The following SNAP25 variants were observed in gnomAD, a reference collection of about 807,000 sequenced individuals.
SNAP25 encodes synaptosome associated protein 25.
SNAP25 carries 3 observed loss-of-function variants against 28.7 expected under a neutral mutation model. The observed-to-expected ratio is 0.10, with a 90% CI of 0.05 to 0.27. The LOEUF (loss-of-function observed/expected upper bound fraction) is 0.27, where lower values mean the gene tolerates loss of function less well. Ranked by LOEUF, SNAP25 falls within the 10% of genes least tolerant of loss-of-function variation. The pLI is 1.00. For synonymous variants in SNAP25, 61 were observed against 88.1 expected, an observed-to-expected ratio of 0.69 and a Z score of 1.72; for missense variants, 117 against 278.7, an observed-to-expected ratio of 0.42 and a Z score of 4.13.
intron 1 of SNAP25, among the ~76,000 whole-genome samples, chr20:10,238,840 G>A (rs1031303648): frequency 6.6e-6 from 1 of 151,948 alleles, no homozygotes; most frequent in African/African-American, 2.4e-5. Flanking sequence ...GGGAGGCAGA[G>A]GTTGCGGTGA....
intron 3 of SNAP25, chr20:10,277,941 G>A (rs1419952277): frequency 2.0e-6 from 1 of 490,804 alleles, no homozygotes; most frequent in Non-Finnish European, 3.6e-6. Flanking sequence ...AGCCACCTCT[G>A]TAGTCTGGTC....
At chr20:10,251,341 G>A (rs1473917929) in intron 1 of SNAP25, among the ~76,000 whole-genome samples, 1 of 152,184 alleles carries the variant, frequency 6.6e-6, no homozygotes, top group African/African-American at 2.4e-5. Context: ...GAAATACTGG[G>A]AAGGATACCT....
At chr20:10,288,243 A>G (rs1210842667) in intron 4 of SNAP25, among the ~76,000 whole-genome samples, 2 of 152,152 alleles carry the variant, frequency 1.3e-5, no homozygotes, top group Non-Finnish European at 2.9e-5. Context: ...TTTATTTTTT[A>G]AGTTAATAAT....
chr20:10,291,097 G>A (rs2063988223), intron 4 of SNAP25, among the ~76,000 whole-genome samples: 1 of 152,166 alleles, frequency 6.6e-6, no homozygotes, highest in South Asian at 2.1e-4. Flanking sequence ...TTTTGGGACG[G>A]AGTTTCGCTC....
chr20:10,235,238 C>T (rs1040220726), intron 1 of SNAP25, among the ~76,000 whole-genome samples: 6 of 151,978 alleles, frequency 3.9e-5, no homozygotes, highest in Non-Finnish European at 8.8e-5. Flanking sequence ...ATCTCTAAAA[C>T]ATAAAAATTA....
chr20:10,300,474 C>T (rs1055090248), intron 7 of SNAP25, among the ~76,000 whole-genome samples: 1 of 151,990 alleles, frequency 6.6e-6, no homozygotes, highest in Admixed American at 6.6e-5. Context: ...GTGTTTATTC[C>T]CTGGGAGACG....
At chr20:10,235,466 A>G (rs967666853) in intron 1 of SNAP25, among the ~76,000 whole-genome samples, 4 of 152,224 alleles carry the variant, frequency 2.6e-5, no homozygotes, top group African/African-American at 7.2e-5. Context: ...CAACTGTAAA[A>G]TGATATGAAG....
chr20:10,301,920 A>T (rs8119732), intron 7 of SNAP25, among the ~76,000 whole-genome samples: 36,259 of 147,038 alleles, frequency 0.25, 6,071 homozygotes, highest in African/African-American at 0.46. Flanking sequence ...TATATATATA[A>T]AAACCATATA....
rs2064132435 is a variant in SNAP25, at chr20:10,297,194, G to A, written c.407+144G>A. ...AAGTGTTCTTTTCTAAGCCTTTCCT[G>A]GACCTTGCCTGGGTGGGGTGATCCA... is the stretch of plus-strand genomic sequence containing the variant. On this transcript the variant is annotated intron_variant, in intron 6 of 7. Transcript: ENST00000254976. 10 of 1,144,396 alleles carry A rather than the reference G, an allele frequency of 8.7e-6. No individual in the cohort carries two copies. The East Asian group carries it at 3.0e-4, about 35-fold the overall frequency. The allele number at this position is 1,144,396 out of a possible 1,614,324, so 70.9% of individuals were successfully genotyped here.
intron 4 of SNAP25, chr20:10,292,863 A>G (rs1320145921): frequency 8.4e-6 from 13 of 1,544,322 alleles, no homozygotes; most frequent in Non-Finnish European, 1.1e-5. Flanking sequence ...CCACACTGTC[A>G]TCCCTTTGTC....
intron 1 of SNAP25, among the ~76,000 whole-genome samples, chr20:10,267,981 C>T (rs2063532977): frequency 6.6e-6 from 1 of 152,196 alleles, no homozygotes; most frequent in African/African-American, 2.4e-5. Flanking sequence ...TTAATAGTTA[C>T]CGCTAAGCCT....
At chr20:10,288,503 T>A (rs2063929138) in intron 4 of SNAP25, among the ~76,000 whole-genome samples, 1 of 152,192 alleles carries the variant, frequency 6.6e-6, no homozygotes, top group Admixed American at 6.5e-5. Context: ...AATGCAAAAA[T>A]ATATCTTCTT....
At chr20:10,268,786 A>G (rs978083744) in intron 1 of SNAP25, among the ~76,000 whole-genome samples, 3 of 152,160 alleles carry the variant, frequency 2.0e-5, no homozygotes, top group Non-Finnish European at 4.4e-5. Context: ...GAGCTTTTCA[A>G]ATTACCCTTG....
intron 3 of SNAP25, among the ~76,000 whole-genome samples, chr20:10,279,219 C>T (rs1384292970): frequency 6.6e-6 from 1 of 152,108 alleles, no homozygotes; most frequent in Non-Finnish European, 1.5e-5. Context: ...CTCAAGTTTT[C>T]AGGAGGAAGA....
intron 1 of SNAP25, among the ~76,000 whole-genome samples, chr20:10,260,337 T>TA (rs1218098916): frequency 6.6e-6 from 1 of 152,228 alleles, no homozygotes; most frequent in African/African-American, 2.4e-5. Flanking sequence ...AAACTTGTTC[T>TA]ATAAACACAA....
intron 1 of SNAP25, among the ~76,000 whole-genome samples, chr20:10,267,701 G>A (rs975276128): frequency 4.6e-5 from 7 of 152,048 alleles, no homozygotes; most frequent in Admixed American, 6.6e-5. Context: ...ACAGGCACAC[G>A]CCACCACACC....
chr20:10,259,981 T>A (rs1195849427), intron 1 of SNAP25, among the ~76,000 whole-genome samples: 3 of 152,218 alleles, frequency 2.0e-5, no homozygotes, highest in African/African-American at 7.2e-5. Flanking sequence ...AAATGAATCA[T>A]GTCCATCAAG....
chr20:10,249,450 T>C (rs1230382934), intron 1 of SNAP25, among the ~76,000 whole-genome samples: 2 of 152,184 alleles, frequency 1.3e-5, no homozygotes, highest in East Asian at 3.9e-4. Context: ...GACGGGAACC[T>C]GTTCCAAAGA....
At chr20:10,248,899 A>G (rs940071604) in intron 1 of SNAP25, among the ~76,000 whole-genome samples, 1 of 152,212 alleles carries the variant, frequency 6.6e-6, no homozygotes, top group Non-Finnish European at 1.5e-5. Context: ...CTCCCAGGTG[A>G]GGCTGATATT....
Sources: allele counts gnomAD v4.1 joint callset (sites outside exome capture counted in the v4.1 genomes callset), GRCh38; gene constraint gnomAD v4.1.1; transcripts MANE v1.5; gene names NCBI Gene and HGNC (gene_info 2026-07-23, HGNC 2026-07-21).